The following WDR43 variants were observed in gnomAD, a reference collection of about 807,000 sequenced individuals.
WDR43 encodes WD repeat-containing protein 43.
WDR43 carries 13 observed loss-of-function variants against 91.4 expected under a neutral mutation model. That is an observed-to-expected ratio of 0.14 (90% CI 0.09 to 0.23). The LOEUF (loss-of-function observed/expected upper bound fraction) is 0.23. Among genes scored for constraint, WDR43 ranks in the 10% least tolerant of loss-of-function variants. The pLI, the probability that WDR43 is intolerant of heterozygous loss-of-function variation, is 1.00. For missense variants in WDR43, 780 were observed against 809.4 expected (o/e 0.96, Z 0.44); for synonymous variants, 331 against 287.9 (o/e 1.15, Z -1.51).
intron 7 of WDR43, among the ~76,000 whole-genome samples, chr2:28,924,517 A>G (rs892728969): frequency 6.6e-6 from 1 of 152,146 alleles, no homozygotes; most frequent in South Asian, 2.1e-4. Flanking sequence ...TGCTGCAGGG[A>G]CAAGCCAGGG....
intron 13 of WDR43, 118 bp downstream of exon 13, chr2:28,937,071 A>T: frequency 1.1e-6 from 1 of 924,848 alleles, no homozygotes; most frequent in Admixed American, 3.2e-5. Context: ...ACCCCTCGCC[A>T]CCTCCCTTAT....
At chr2:28,931,936 G>A (rs1671255927) in intron 11 of WDR43, among the ~76,000 whole-genome samples, 1 of 145,642 alleles carries the variant, frequency 6.9e-6, no homozygotes. Flanking sequence ...TGGAAGAGCA[G>A]TGTTGCAATT....
intron 2 of WDR43, among the ~76,000 whole-genome samples, chr2:28,905,645 G>C (rs902881922): frequency 6.8e-6 from 1 of 147,296 alleles, no homozygotes; most frequent in Non-Finnish European, 1.5e-5. Context: ...AATTCTAGCT[G>C]TTTATCTCTC....
chr2:28,913,629 G>A (rs759608083), intron 4 of WDR43: 12 of 518,486 alleles, frequency 2.3e-5, no homozygotes, highest in South Asian at 1.7e-4. Context: ...TTTGGAGGAG[G>A]AAAAAGCTTT....
chr2:28,920,526 C>T (rs531556808), intron 6 of WDR43, among the ~76,000 whole-genome samples: 338 of 151,870 alleles, frequency 2.2e-3, no homozygotes, highest in Non-Finnish European at 3.8e-3. Flanking sequence ...CCCCACTCAA[C>T]CAAAAGTTTT....
intron 6 of WDR43, among the ~76,000 whole-genome samples, chr2:28,919,340 A>T (rs1430179092): frequency 6.6e-6 from 1 of 152,188 alleles, no homozygotes; most frequent in East Asian, 1.9e-4. Context: ...TGATGATCAG[A>T]TCAGTGATTC....
chr2:28,945,068 A>G (rs771570013), intron 16 of WDR43, among the ~76,000 whole-genome samples: 1 of 152,242 alleles, frequency 6.6e-6, no homozygotes, highest in Non-Finnish European at 1.5e-5. Flanking sequence ...ATTCATGGGT[A>G]GTATGATGTA....
intron 3 of WDR43, 38 bp from the exon 4 acceptor site, chr2:28,912,552 C>G: frequency 6.3e-7 from 1 of 1,597,656 alleles, no homozygotes. Context: ...AGTTTTCTCT[C>G]ATGTATTGAG....
intron 11 of WDR43, among the ~76,000 whole-genome samples, chr2:28,931,819 T>C (rs1247912880): frequency 6.6e-6 from 1 of 152,028 alleles, no homozygotes; most frequent in Non-Finnish European, 1.5e-5. Flanking sequence ...GATGAAAAAT[T>C]GTGTGCTTGA....
chr2:28,937,876 G>A (rs1671363169), intron 13 of WDR43, 55 bp from the exon 14 acceptor site: 10 of 1,576,492 alleles, frequency 6.3e-6, no homozygotes, highest in Non-Finnish European at 8.7e-6. Context: ...TAACAGCTCA[G>A]TTGAATTTAC....
Position 28,946,609 on chromosome 2 carries a change from G to A in WDR43, c.1864G>A (p.Asp622Asn). The A allele has an allele frequency of 1.3e-6, 2 of 1,558,918 alleles. No individual in the cohort carries two copies. The highest frequency in any genetic ancestry group is 1.2e-5 in the South Asian group (1 of 84,594). The stretch of plus-strand genomic sequence containing the variant: ...TTGGTATTTCGACTAGGATAATTGG[G>A]ATGAAGATGAGGAGGAGAGTGAAAG... ...IADKDSEDNW[D>N]EDEEESESEK... The change falls in exon 18 of 18, where the codon GAT becomes AAT. Residue 622 changes from aspartate (D) to asparagine (N), a missense_variant. Asp to Asn is a conservative substitution (Grantham distance 23). This residue lies in a region of WDR43 where 426 missense variants were observed against 467.8 expected (regional missense o/e 0.91). Coordinates refer to ENST00000407426, the MANE Select transcript of WDR43 (RefSeq NM_015131.3).
chr2:28,905,404 T>C, intron 2 of WDR43, among the ~76,000 whole-genome samples: 1 of 152,150 alleles, frequency 6.6e-6, no homozygotes, highest in South Asian at 2.1e-4. Flanking sequence ...ATGCTGTAAA[T>C]GTATAAGTAT....
At chr2:28,937,045 T>G in intron 13 of WDR43, 92 bp downstream of exon 13, 2 of 1,280,494 alleles carry the variant, frequency 1.6e-6, no homozygotes, top group East Asian at 2.6e-5. Flanking sequence ...TAAAACTCTT[T>G]CAGTGTCAAA....
intron 11 of WDR43, among the ~76,000 whole-genome samples, chr2:28,934,960 G>A (rs1260073403): frequency 1.3e-5 from 2 of 152,128 alleles, no homozygotes; most frequent in Non-Finnish European, 2.9e-5. Flanking sequence ...GCTTCTAAGG[G>A]GCAGGACCGG....
At chr2:28,937,852 C>G in intron 13 of WDR43, 79 bp from the exon 14 acceptor site, 1 of 1,358,162 alleles carries the variant, frequency 7.4e-7, no homozygotes, top group Non-Finnish European at 1.0e-6. Context: ...CTTCACTTGT[C>G]TGTCTGGGTT....
chr2:28,934,708 G>A (rs147973844), intron 11 of WDR43, among the ~76,000 whole-genome samples: 84 of 152,208 alleles, frequency 5.5e-4, no homozygotes, highest in African/African-American at 2.0e-3. Context: ...GCAGAATGAG[G>A]CCCCTGTTTC....
chr2:28,899,711 G>T (rs1281916243), intron 1 of WDR43, among the ~76,000 whole-genome samples: 1 of 152,168 alleles, frequency 6.6e-6, no homozygotes, highest in African/African-American at 2.4e-5. Flanking sequence ...AAAATATTTA[G>T]TATGGGTAAT....
chr2:28,937,416 T>G (rs897037824), intron 13 of WDR43, among the ~76,000 whole-genome samples: 6 of 121,766 alleles, frequency 4.9e-5, no homozygotes, highest in African/African-American at 1.5e-4. Context: ...TAGTTTTTCT[T>G]TAAAAATTTT....
At chr2:28,934,288 A>G (rs1671299962) in intron 11 of WDR43, among the ~76,000 whole-genome samples, 1 of 152,224 alleles carries the variant, frequency 6.6e-6, no homozygotes, top group South Asian at 2.1e-4. Context: ...AAGGAGGGAT[A>G]CATTTAAAGG....
Sources: allele counts gnomAD v4.1 joint callset (sites outside exome capture counted in the v4.1 genomes callset), GRCh38; gene constraint gnomAD v4.1.1; regional missense constraint gnomAD v4.1.1; transcripts MANE v1.5; gene names NCBI Gene and HGNC (gene_info 2026-07-23, HGNC 2026-07-21).